The following ZFP82 variants were observed in gnomAD, a reference collection of about 807,000 sequenced individuals.
ZFP82 encodes the protein ZFP82 zinc finger protein.
In ZFP82, 30 loss-of-function variants were observed where a neutral mutation model predicts 54.0. The ratio of observed to expected loss-of-function variants is 0.56; its 90% CI spans 0.42 to 0.75. ZFP82 has a LOEUF of 0.75. ZFP82 is among the 30% of genes least tolerant of loss of function. The pLI, the probability that ZFP82 is intolerant of heterozygous loss-of-function variation, is 0.00. For missense variants in ZFP82, 500 were observed against 636.8 expected (o/e 0.79, Z 2.31); for synonymous variants, 194 against 209.5 (o/e 0.93, Z 0.64).
Position 36,393,783 on chromosome 19 carries a change from G to C in ZFP82, c.557C>G (p.Thr186Ser). The C allele has an allele frequency of 1.2e-6, 2 of 1,613,816 alleles. No homozygotes were observed. Among genetic ancestry groups the C allele is most frequent in the Non-Finnish European group, 1.7e-6 (2 of 1,179,940 alleles). The change falls in exon 5 of 5, where the codon ACT becomes AGT. Residue 186 changes from threonine (T) to serine (S), a missense_variant. Thr to Ser is a moderately conservative substitution (Grantham distance 58). Transcript: ENST00000392161. ...GKAFRVRQQL[T>S]FHHRIHTGEK... is the part of the protein sequence containing the mutation. ...ACCAGTATGAATTCTGTGATGAAAA[G>C]TAAGCTGTTGGCGCACTCTGAACGC...
At chr19:36,396,205 T>G (rs1285486379) in intron 4 of ZFP82, 9 of 152,066 alleles carry the variant, frequency 5.9e-5, no homozygotes, top group Non-Finnish European at 7.3e-5. Context: ...GCCACCTGGC[T>G]GTATTTTTGT....
chr19:36,413,876 C>T (rs7246106), intron 1 of ZFP82, among the ~76,000 whole-genome samples: 102,445 of 151,226 alleles, frequency 0.68, 34,982 homozygotes, highest in African/African-American at 0.76. Context: ...CCTCATTCCA[C>T]TATTTTAAAA....
chr19:36,399,673 C>T (rs2032351380), intron 4 of ZFP82, among the ~76,000 whole-genome samples: 1 of 152,146 alleles, frequency 6.6e-6, no homozygotes, highest in Non-Finnish European at 1.5e-5. Flanking sequence ...TAAATAAATT[C>T]ATGAGTGTAA....
intron 2 of ZFP82, 77 bp from the exon 3 acceptor site, chr19:36,408,090 G>C: frequency 6.7e-7 from 1 of 1,499,920 alleles, no homozygotes; most frequent in Non-Finnish European, 9.1e-7. Flanking sequence ...AGAAGGAAGA[G>C]ATATTGCAGG....
At chr19:36,384,228 G>C (rs1363292447), downstream of ZFP82, 2 of 151,986 alleles carry the variant, frequency 1.3e-5, no homozygotes, top group Non-Finnish European at 2.9e-5. Flanking sequence ...CCTAAATATT[G>C]ATCAATAAGA....
Position 36,394,100 on chromosome 19 carries a change from G to T in ZFP82, c.240C>A (p.Thr80=). Residue 80 remains threonine, a synonymous_variant, in exon 5 of 5, where the codon ACC becomes ACA. Coordinates refer to ENST00000392161, the MANE Select transcript of ZFP82 (RefSeq NM_133466.4). ...KGRRQYPDLE[T]KYETKKLSLE... is the part of the protein sequence containing the mutation. ...AAGATAACTTCTTGGTCTCATACTTGGTCTCCAAATCTAAAATAAAACAAG... is the reference window on the plus strand; with the variant it reads ...AAGATAACTTCTTGGTCTCATACTTTGTCTCCAAATCTAAAATAAAACAAG... 1.9e-6 allele frequency: 3 copies of T among 1,601,924 alleles called. No homozygotes were observed. The highest frequency in any genetic ancestry group is 2.5e-6 in the Non-Finnish European group (3 of 1,177,290).
At chr19:36,403,395 T>G (rs995592713) in intron 4 of ZFP82, among the ~76,000 whole-genome samples, 27 of 104,778 alleles carry the variant, frequency 2.6e-4, no homozygotes, top group Non-Finnish European at 4.5e-4. Flanking sequence ...ATCCAGCGGG[T>G]GGATCACAAG....
chr19:36,394,256 C>A, intron 4 of ZFP82, 146 bp from the exon 5 acceptor site: 2 of 742,642 alleles, frequency 2.7e-6, no homozygotes, highest in Non-Finnish European at 4.2e-6. Flanking sequence ...AAAAAAAAGC[C>A]AAAGGGAACA....
intron 4 of ZFP82, 116 bp from the exon 5 acceptor site, chr19:36,394,226 T>A: frequency 1.0e-6 from 1 of 972,362 alleles, no homozygotes; most frequent in South Asian, 1.7e-5. Context: ...TCTAAAATAT[T>A]GTTATACAAT....
chr19:36,393,507 C>T lies in ZFP82; in HGVS notation c.833G>A (p.Gly278Asp), dbSNP rs1388380918. ...QLTLHQRIHT[G>D]EKPYVCKECG... Reference sequence around the variant, plus strand: ...CTCTTTACACACATAGGGTTTCTCACCAGTATGAATCCTCTGATGCAGAGT... The same window carrying T: ...CTCTTTACACACATAGGGTTTCTCATCAGTATGAATCCTCTGATGCAGAGT... The change falls in exon 5 of 5, where the codon GGT (glycine) becomes GAT (aspartate). Residue 278 changes from glycine to aspartate, a missense_variant. Coordinates refer to ENST00000392161, the MANE Select transcript of ZFP82 (RefSeq NM_133466.4). 6.2e-7 allele frequency: 1 copy of T among 1,614,168 alleles called. No homozygotes were observed. Among genetic ancestry groups the T allele is most frequent in the East Asian group, 2.2e-5 (1 of 44,882 alleles).
chr19:36,409,768 GA>G lies in ZFP82; in HGVS notation c.9+12del. 3 of 1,613,568 alleles carry G rather than the reference GA, an allele frequency of 1.9e-6. No individual in the cohort carries two copies. The highest frequency in any genetic ancestry group is 2.5e-6 in the Non-Finnish European group (3 of 1,179,722). On this transcript the variant is annotated intron_variant, in intron 2 of 4. Transcript: ENST00000392161. ...TAACATGATAGTATTCCTAGGAGGA[GA>G]AAAAAACTTACAAGGGCCATGGTAT...
chr19:36,399,401 TG>T (rs2032347827), intron 4 of ZFP82, among the ~76,000 whole-genome samples: 1 of 152,170 alleles, frequency 6.6e-6, no homozygotes, highest in African/African-American at 2.4e-5. Context: ...GTGTTCAAAG[TG>T]GTCAGATAAA....
intron 1 of ZFP82, among the ~76,000 whole-genome samples, chr19:36,415,568 A>C (rs1048017640): frequency 3.3e-5 from 5 of 152,052 alleles, no homozygotes; most frequent in African/African-American, 1.2e-4. Flanking sequence ...TTCTATTTTT[A>C]GTAGAGACAG....
intron 4 of ZFP82, among the ~76,000 whole-genome samples, chr19:36,396,491 GAC>G (rs1228826504): frequency 6.6e-6 from 1 of 151,872 alleles, no homozygotes; most frequent in Non-Finnish European, 1.5e-5. Flanking sequence ...ACTAAAAATA[GAC>G]ACACACACAA....
downstream of ZFP82, among the ~76,000 whole-genome samples, chr19:36,385,311 C>T (rs940717644): frequency 6.6e-6 from 1 of 152,164 alleles, no homozygotes; most frequent in African/African-American, 2.4e-5. Flanking sequence ...GCCTGTCAAT[C>T]TTGGGCTTCT....
intron 1 of ZFP82, among the ~76,000 whole-genome samples, chr19:36,417,072 CAAAAAAAA>C (rs140495874): frequency 9.1e-5 from 6 of 65,644 alleles, no homozygotes; most frequent in South Asian, 7.0e-4. Flanking sequence ...GACCCTGTCT[CAAAAAAAA>C]AAAAAAAAAA....
chr19:36,399,200 C>A (rs1265941774), intron 4 of ZFP82, among the ~76,000 whole-genome samples: 2 of 152,036 alleles, frequency 1.3e-5, no homozygotes, highest in East Asian at 3.8e-4. Flanking sequence ...ATATGGATAA[C>A]CTTTATGAGG....
At chr19:36,388,597 T>G (rs1300028990), downstream of ZFP82, among the ~76,000 whole-genome samples, 1 of 152,164 alleles carries the variant, frequency 6.6e-6, no homozygotes, top group East Asian at 1.9e-4. Flanking sequence ...GTAACTTAAA[T>G]TTTTAAAAAA....
rs1413447126 is a variant in ZFP82 at position 36,393,342 on chromosome 19, G to C, written c.998C>G (p.Thr333Ser). The C allele has an allele frequency of 6.2e-7, 1 of 1,613,660 alleles. No homozygotes were observed. The part of the protein sequence containing the change: ...SGLRVHHKLH[T>S]GEKPYECKEC... ...CTTACATTCATAGGGTTTCTCACCAGTATGAAGTTTGTGATGTACTCTAAG... is the reference window on the plus strand; with the variant it reads ...CTTACATTCATAGGGTTTCTCACCACTATGAAGTTTGTGATGTACTCTAAG... The change falls in exon 5 of 5, where the codon ACT becomes AGT. Residue 333 changes from threonine to serine, a missense_variant. By Grantham distance (58) the Thr-to-Ser change is moderately conservative. Transcript: ENST00000392161.
Sources: gnomAD v4.1 joint callset for allele counts (sites outside exome capture counted in the v4.1 genomes callset) on GRCh38, gnomAD v4.1.1 for gene constraint, MANE v1.5 for transcripts, NCBI Gene and HGNC (gene_info 2026-07-23, HGNC 2026-07-21) for gene names.